HPSE2: variants seen among roughly 807,000 people sequenced by gnomAD.
HPSE2 encodes inactive heparanase-2.
A neutral mutation model predicts 60.5 loss-of-function variants in HPSE2; 38 were observed. The ratio of observed to expected loss-of-function variants is 0.63; its 90% CI spans 0.48 to 0.82. The LOEUF (loss-of-function observed/expected upper bound fraction) is 0.82. HPSE2 is among the 40% of genes least tolerant of loss of function. The pLI is 0.00. For missense variants in HPSE2, 713 were observed against 740.4 expected (o/e 0.96, Z 0.43); for synonymous variants, 295 against 293.2 (o/e 1.01, Z -0.06).
chr10:98,708,909 G>C (rs1238749025), intron 5 of HPSE2, among the ~76,000 whole-genome samples: 1 of 152,132 alleles, frequency 6.6e-6, no homozygotes, highest in East Asian at 1.9e-4. Context: ...AAAATAATTA[G>C]ATACAATTCC....
At chr10:99,267,215 C>T in the HPSE2 span, among the ~76,000 whole-genome samples, 18 of 151,704 alleles carry the variant, frequency 1.2e-4, no homozygotes, top group South Asian at 2.9e-3. Flanking sequence ...CAAGGAGACA[C>T]CAGAGAAAGG....
chr10:98,647,031 A>G (rs1946788425), intron 6 of HPSE2, among the ~76,000 whole-genome samples: 1 of 152,200 alleles, frequency 6.6e-6, no homozygotes. Flanking sequence ...AATTGCTCCA[A>G]ATGAGACATC....
At chr10:98,709,635 A>G (rs891772134) in intron 5 of HPSE2, among the ~76,000 whole-genome samples, 1 of 152,202 alleles carries the variant, frequency 6.6e-6, no homozygotes, top group Non-Finnish European at 1.5e-5. Context: ...TTCTGCTACT[A>G]TAGAAAATAA....
chr10:98,974,296 G>GA (rs1378924924), intron 3 of HPSE2, among the ~76,000 whole-genome samples: 4 of 150,434 alleles, frequency 2.7e-5, no homozygotes, highest in Non-Finnish European at 4.4e-5. Context: ...AAAAAAAAAA[G>GA]AAAGAAAAGA....
At chr10:98,837,923 A>C (rs1319295389) in intron 3 of HPSE2, among the ~76,000 whole-genome samples, 1 of 152,184 alleles carries the variant, frequency 6.6e-6, no homozygotes, top group Non-Finnish European at 1.5e-5. Context: ...TTTGCTTAAA[A>C]ATTTTTGAAA....
intron 3 of HPSE2, among the ~76,000 whole-genome samples, chr10:98,980,304 TTTG>T (rs1281116676): frequency 6.6e-6 from 1 of 152,232 alleles, no homozygotes; most frequent in East Asian, 1.9e-4. Flanking sequence ...AGTTTATTAT[TTTG>T]TTATTACTGT....
intron 3 of HPSE2, among the ~76,000 whole-genome samples, chr10:98,779,356 G>C (rs1361401618): frequency 6.6e-6 from 1 of 152,096 alleles, no homozygotes; most frequent in Non-Finnish European, 1.5e-5. Context: ...TGGACACTTG[G>C]GTGGGGTGGA....
chr10:98,667,154 T>C (rs1314030481), intron 6 of HPSE2, among the ~76,000 whole-genome samples: 1 of 152,150 alleles, frequency 6.6e-6, no homozygotes, highest in Non-Finnish European at 1.5e-5. Flanking sequence ...AACACCTCTA[T>C]GTACACAAAG....
In HPSE2 at chr10:98,559,240, C is replaced by T. The variant is rs144490093; in HGVS notation, c.1320+55664G>A. On this transcript the variant is annotated intron_variant, in intron 9 of 11. Coordinates refer to ENST00000370552, the MANE Select transcript of HPSE2 (RefSeq NM_021828.5). ...ATGGGGTTTCACCATGTTAGCCAGGCTGGTCTTAAATTCCTGACCTTAAGT... is the reference window on the plus strand; with the variant it reads ...ATGGGGTTTCACCATGTTAGCCAGGTTGGTCTTAAATTCCTGACCTTAAGT... Among the ~76,000 whole-genome samples, 674 of 152,264 alleles carry T rather than the reference C, an allele frequency of 4.4e-3. 7 individuals are homozygous for T. Among genetic ancestry groups the T allele is most frequent in the African/African-American group, 0.015 (634 of 41,552 alleles).
At chr10:98,528,196 G>A (rs956750796) in intron 9 of HPSE2, among the ~76,000 whole-genome samples, 2 of 152,086 alleles carry the variant, frequency 1.3e-5, no homozygotes, top group Admixed American at 6.6e-5. Context: ...TGATGAGAGA[G>A]ACAACAATTA....
chr10:98,662,897 G>T (rs1201956000), intron 6 of HPSE2, among the ~76,000 whole-genome samples: 2 of 152,028 alleles, frequency 1.3e-5, no homozygotes, highest in Admixed American at 6.6e-5. Context: ...GATCTATTTA[G>T]GGAAATAATA....
At chr10:98,915,331 T>C (rs1954089799) in intron 3 of HPSE2, among the ~76,000 whole-genome samples, 1 of 151,998 alleles carries the variant, frequency 6.6e-6, no homozygotes, top group African/African-American at 2.4e-5. Context: ...GTATTTTTAA[T>C]AGAGACGGGG....
intron 11 of HPSE2, among the ~76,000 whole-genome samples, chr10:98,465,710 A>G (rs1940498500): frequency 6.6e-6 from 1 of 152,178 alleles, no homozygotes; most frequent in African/African-American, 2.4e-5. Flanking sequence ...CGTCCTTATC[A>G]TATTTTCATC....
At chr10:99,087,406 T>C (rs1433510647) in intron 3 of HPSE2, among the ~76,000 whole-genome samples, 4 of 152,216 alleles carry the variant, frequency 2.6e-5, no homozygotes, top group Non-Finnish European at 5.9e-5. Flanking sequence ...TGCCCTTGGA[T>C]ACACGTAAGC....
intron 11 of HPSE2, among the ~76,000 whole-genome samples, chr10:98,474,045 T>C (rs1940897205): frequency 6.6e-6 from 1 of 152,202 alleles, no homozygotes. Context: ...GTGAAGATAA[T>C]GGAAACCTGC....
intron 3 of HPSE2, among the ~76,000 whole-genome samples, chr10:99,035,548 G>A (rs994922647): frequency 1.3e-5 from 2 of 151,952 alleles, no homozygotes; most frequent in Admixed American, 6.6e-5. Flanking sequence ...TAGTATACAC[G>A]TAAACCAGTA....
At chr10:98,515,741 T>C (rs1001850005) in intron 9 of HPSE2, among the ~76,000 whole-genome samples, 3 of 152,220 alleles carry the variant, frequency 2.0e-5, no homozygotes, top group Admixed American at 6.5e-5. Flanking sequence ...TTAAGATATA[T>C]ACACATATTT....
intron 5 of HPSE2, among the ~76,000 whole-genome samples, chr10:98,696,881 G>A (rs1489456815): frequency 1.3e-5 from 2 of 152,138 alleles, no homozygotes; most frequent in Non-Finnish European, 2.9e-5. Context: ...AACCCCCAGT[G>A]AACCGCAGCA....
chr10:98,679,609 A>C (rs894011167), intron 6 of HPSE2, among the ~76,000 whole-genome samples: 5 of 152,134 alleles, frequency 3.3e-5, no homozygotes, highest in African/African-American at 1.2e-4. Flanking sequence ...TAAGCTCATA[A>C]ACATCCAATA....
Sources: allele counts gnomAD v4.1 joint callset (sites outside exome capture counted in the v4.1 genomes callset), GRCh38; gene constraint gnomAD v4.1.1; transcripts MANE v1.5; gene names NCBI Gene and HGNC (gene_info 2026-07-23, HGNC 2026-07-21).